The following NT5E variants were observed in gnomAD, a reference collection of about 807,000 sequenced individuals.
NT5E encodes the protein 5'-nucleotidase.
In NT5E, 53 loss-of-function variants were observed where a neutral mutation model predicts 55.1. The ratio of observed to expected loss-of-function variants is 0.96; its 90% CI spans 0.77 to 1.21. The LOEUF is 1.21. NT5E is among the 50% of genes most tolerant of loss of function. The probability of loss-of-function intolerance (pLI) is 0.00; values close to 1 mark genes in which losing one functional copy is unlikely to be tolerated. For missense variants in NT5E, 683 were observed against 724.3 expected (o/e 0.94, Z 0.65); for synonymous variants, 270 against 278.4 (o/e 0.97, Z 0.30).
chr6:85,468,042 A>T (rs905272503), intron 2 of NT5E, among the ~76,000 whole-genome samples: 7 of 152,194 alleles, frequency 4.6e-5, no homozygotes, highest in Non-Finnish European at 1.0e-4. Flanking sequence ...TCTTTAAATT[A>T]TCCAAATTAA....
chr6:85,466,947 G>A, intron 1 of NT5E, 113 bp from the exon 2 acceptor site: 1 of 1,008,578 alleles, frequency 9.9e-7, no homozygotes. Context: ...CAGGTGAGGA[G>A]GACACAAAAT....
chr6:85,487,513 A>G, intron 5 of NT5E, 24 bp downstream of exon 5: 1 of 1,613,890 alleles, frequency 6.2e-7, no homozygotes, highest in Non-Finnish European at 8.5e-7. Flanking sequence ...AGGAGTGGAC[A>G]TATGCTAGGG....
Position 85,492,140 on chromosome 6 carries a change from C to G in NT5E, c.1524C>G (p.Phe508Leu), listed in dbSNP as rs1211974918. The change falls in exon 8 of 9, where the codon TTC becomes TTG. Residue 508 changes from phenylalanine to leucine, a missense_variant. Coordinates refer to ENST00000257770, the MANE Select transcript of NT5E (RefSeq NM_002526.4). ...PNFLANGGDG[F>L]QMIKDELLRH... ...TCCTGGCCAATGGTGGAGATGGGTTCCAGATGATAAAAGATGAATTATTAA... is the reference window on the plus strand; with the variant it reads ...TCCTGGCCAATGGTGGAGATGGGTTGCAGATGATAAAAGATGAATTATTAA... 6.2e-7 allele frequency: 1 copy of G among 1,614,080 alleles called. No individual in the cohort carries two copies. The highest frequency in any genetic ancestry group is 1.1e-5 in the South Asian group (1 of 91,080).
At chr6:85,470,856 G>A (rs995076222) in intron 2 of NT5E, among the ~76,000 whole-genome samples, 1 of 152,200 alleles carries the variant, frequency 6.6e-6, no homozygotes, top group Non-Finnish European at 1.5e-5. Context: ...AGTTTCCAAC[G>A]AACGTCTTGG....
At chr6:85,467,877 T>G (rs1321297816) in intron 2 of NT5E, among the ~76,000 whole-genome samples, 2 of 151,646 alleles carry the variant, frequency 1.3e-5, no homozygotes, top group African/African-American at 4.8e-5. Context: ...ATATATAATC[T>G]TAAGACACAC....
intron 4 of NT5E, 94 bp from the exon 5 acceptor site, chr6:85,487,241 C>G (rs1280813180): frequency 8.6e-7 from 1 of 1,160,698 alleles, no homozygotes. Context: ...AATATGTTCT[C>G]ACAGCAAGTA....
chr6:85,491,900 T>C, intron 7 of NT5E, 77 bp from the exon 8 acceptor site: 1 of 1,314,388 alleles, frequency 7.6e-7, no homozygotes, highest in South Asian at 1.2e-5. Flanking sequence ...GCCCCAATTG[T>C]AGAGTTTGGC....
rs117560020 is a variant in NT5E, at chr6:85,484,124, T to C, written c.752-1111T>C. 4.0e-4 allele frequency among the ~76,000 whole-genome samples: 61 copies of C among 152,308 alleles called. No homozygotes were observed. In the East Asian group the frequency reaches 0.01, roughly 25 times the overall value. ...ATGGCCGATTCTCGTAACAGGTCCA[T>C]GTGTGTAATCAACATGTGCTGAAGT... is the stretch of plus-strand genomic sequence containing the variant. On this transcript the variant is annotated intron_variant, in intron 3 of 8. Transcript: ENST00000257770.
intron 4 of NT5E, 26 bp downstream of exon 4, chr6:85,485,458 C>T (rs756382777): frequency 5.0e-6 from 8 of 1,608,668 alleles, no homozygotes; most frequent in Non-Finnish European, 6.8e-6. Context: ...GGGAATGTTC[C>T]ACCAATCTAA....
chr6:85,486,337 G>A (rs575789475), intron 4 of NT5E, among the ~76,000 whole-genome samples: 1 of 152,072 alleles, frequency 6.6e-6, no homozygotes, highest in African/African-American at 2.4e-5. Context: ...AACAAAAACT[G>A]GTTACAAATA....
intron 4 of NT5E, among the ~76,000 whole-genome samples, chr6:85,486,052 G>A (rs1280544313): frequency 6.6e-6 from 1 of 152,172 alleles, no homozygotes; most frequent in East Asian, 1.9e-4. Flanking sequence ...GGATATACCA[G>A]CATTTATTAT....
rs1213182250 is a variant in NT5E, at chr6:85,493,873, A to C, written c.1594A>C (p.Ile532Leu). 1 of 1,613,890 alleles carries C rather than the reference A, an allele frequency of 6.2e-7. No individual in the cohort carries two copies. The highest frequency in any genetic ancestry group is 8.5e-7 in the Non-Finnish European group (1 of 1,179,924). ...AGATATCAACGTGGTTTCTACATAT[A>C]TCTCCAAAATGAAAGTAATTTATCC... is the stretch of plus-strand genomic sequence containing the variant. ...DQDINVVSTY[I>L]SKMKVIYPAV... The change falls in exon 9 of 9, where the codon ATC becomes CTC. Residue 532 changes from isoleucine (I) to leucine (L), a missense_variant. By Grantham distance (5) the Ile-to-Leu change is conservative. Transcript: ENST00000257770.
chr6:85,459,802 T>A (rs1447301554), intron 1 of NT5E, among the ~76,000 whole-genome samples: 2 of 152,212 alleles, frequency 1.3e-5, no homozygotes, highest in African/African-American at 4.8e-5. Context: ...GTGGATAGCT[T>A]ATAAAAGTCC....
chr6:85,479,041 T>G (rs1012178602), intron 3 of NT5E, among the ~76,000 whole-genome samples: 2 of 152,194 alleles, frequency 1.3e-5, no homozygotes, highest in African/African-American at 4.8e-5. Flanking sequence ...GGACTATGAA[T>G]AATTTTTTTC....
At chr6:85,479,744 G>GTCTC (rs140974741) in intron 3 of NT5E, among the ~76,000 whole-genome samples, 4 of 151,366 alleles carry the variant, frequency 2.6e-5, no homozygotes, top group Non-Finnish European at 4.4e-5. Context: ...ATGAAAATTA[G>GTCTC]TCTCTCTCTC....
rs1191243587 is a variant in NT5E at position 85,490,590 on chromosome 6, GA to G, written c.1295del (p.Lys432ArgfsTer38). On this transcript the variant is annotated frameshift_variant, in exon 7 of 9. Coordinates refer to ENST00000257770, the MANE Select transcript of NT5E (RefSeq NM_002526.4). LOFTEE classifies it high-confidence loss of function. ...DLVQLKGSTL[K>X]KAFEHSVHRY... is the part of the protein sequence containing the mutation. Reference sequence around the variant, plus strand: ...TAGTCCAGTTAAAAGGTTCCACCCTGAAGAAGGCCTTTGAGCATAGCGTGCA... The same window carrying G: ...TAGTCCAGTTAAAAGGTTCCACCCTGAGAAGGCCTTTGAGCATAGCGTGCA... The G allele has an allele frequency of 6.2e-7, 1 of 1,614,088 alleles. No homozygotes were observed. Among genetic ancestry groups the G allele is most frequent in the Non-Finnish European group, 8.5e-7 (1 of 1,180,032 alleles).
rs1156667522 is a variant in NT5E at position 85,494,954 on chromosome 6, C to G, written c.*950C>G. The G allele has an allele frequency of 6.6e-6, 1 of 152,198 alleles. No homozygotes were observed. The highest frequency in any genetic ancestry group is 1.5e-5 in the Non-Finnish European group (1 of 68,044). 9.4% of individuals were successfully genotyped at this position (152,198 alleles called of 1,614,324 possible). A position where few individuals can be genotyped will look rare whatever the true frequency, so the allele number is the denominator to read the frequency against. ...GCATTAGCTGTTATTTTATGAGATTCCATCAGCTCTGCCTCTGTCCTCTTT... is the reference window on the plus strand; with the variant it reads ...GCATTAGCTGTTATTTTATGAGATTGCATCAGCTCTGCCTCTGTCCTCTTT... On this transcript the variant is annotated 3_prime_UTR_variant, in exon 9 of 9. Coordinates refer to ENST00000257770, the MANE Select transcript of NT5E (RefSeq NM_002526.4).
rs1330578561 is a variant in NT5E at position 85,467,298 on chromosome 6, A to G, written c.562+16A>G. 5 of 1,594,070 alleles carry G rather than the reference A, an allele frequency of 3.1e-6. No individual in the cohort carries two copies. The highest frequency in any genetic ancestry group is 1.7e-4 in the Middle Eastern group (1 of 5,834). The stretch of plus-strand genomic sequence containing the variant: ...TCAAATCCAGGTATTTTCTACTTTT[A>G]TAGCACTCAATGCTTGAAAATAGAT... On this transcript the variant is annotated intron_variant, in intron 2 of 8. Transcript: ENST00000257770.
chr6:85,481,359 T>A (rs527809507), intron 3 of NT5E, among the ~76,000 whole-genome samples: 1 of 152,320 alleles, frequency 6.6e-6, no homozygotes, highest in South Asian at 2.1e-4. Flanking sequence ...TGGCCAAGTC[T>A]AGAGGATCAT....
Sources: gnomAD v4.1 joint callset for allele counts (sites outside exome capture counted in the v4.1 genomes callset) on GRCh38, gnomAD v4.1.1 for gene constraint, MANE v1.5 for transcripts, NCBI Gene and HGNC (gene_info 2026-07-23, HGNC 2026-07-21) for gene names.